CLSTN2: variants seen among roughly 807,000 people sequenced by gnomAD.
The protein encoded by CLSTN2 is calsyntenin-2.
A neutral mutation model predicts 101.2 loss-of-function variants in CLSTN2; 48 were observed. The ratio of observed to expected loss-of-function variants is 0.47; its 90% CI spans 0.38 to 0.60. CLSTN2 has a LOEUF of 0.60. CLSTN2 is among the 20% of genes least tolerant of loss of function. The pLI is 0.00. For missense variants in CLSTN2, 1,160 were observed against 1,238.2 expected, an observed-to-expected ratio of 0.94 and a Z score of 0.95; for synonymous variants, 481 against 463.6, an observed-to-expected ratio of 1.04 and a Z score of -0.48.
In CLSTN2 at chr3:140,187,893, C is replaced by T. The variant is rs138213220; in HGVS notation, c.232+11820C>T. ...AGTGCTGAGATGGGCCATATAATTCCACCTGCTCCATATCAAAGTCTCACT... is the reference window on the plus strand; with the variant it reads ...AGTGCTGAGATGGGCCATATAATTCTACCTGCTCCATATCAAAGTCTCACT... On this transcript the variant is annotated intron_variant, in intron 2 of 16. Coordinates refer to ENST00000458420, the MANE Select transcript of CLSTN2 (RefSeq NM_022131.3). Among the ~76,000 whole-genome samples the T allele has an allele frequency of 2.5e-3, 375 of 152,232 alleles. 3 individuals are homozygous for T. The highest frequency in any genetic ancestry group is 8.6e-3 in the African/African-American group (358 of 41,526).
intron 8 of CLSTN2, among the ~76,000 whole-genome samples, chr3:140,493,433 G>A (rs1215605704): frequency 6.6e-6 from 1 of 152,202 alleles, no homozygotes; most frequent in African/African-American, 2.4e-5. Context: ...TCTCAGTCAT[G>A]CTGTTCTTAT....
chr3:140,562,436 TG>T, intron 13 of CLSTN2, 128 bp downstream of exon 13: 1 of 935,536 alleles, frequency 1.1e-6, no homozygotes, highest in Non-Finnish European at 1.6e-6. Flanking sequence ...TGGAGATCCT[TG>T]GCCTCAAGCA....
chr3:140,206,620 C>T (rs1353415856), intron 2 of CLSTN2, among the ~76,000 whole-genome samples: 2 of 152,180 alleles, frequency 1.3e-5, no homozygotes, highest in African/African-American at 4.8e-5. Flanking sequence ...TTTAGGGCTT[C>T]CTCTTTTAAA....
chr3:140,198,058 G>A (rs2010668250), intron 2 of CLSTN2, among the ~76,000 whole-genome samples: 1 of 152,150 alleles, frequency 6.6e-6, no homozygotes, highest in Non-Finnish European at 1.5e-5. Flanking sequence ...TCAAGCAAAA[G>A]CAATGGAAAG....
intron 2 of CLSTN2, among the ~76,000 whole-genome samples, chr3:140,223,615 G>C (rs767083903): frequency 6.6e-6 from 1 of 152,156 alleles, no homozygotes; most frequent in Admixed American, 6.5e-5. Flanking sequence ...CTGCAATGCC[G>C]GGTAGATGTC....
At chr3:140,360,009 C>T (rs2107948989) in intron 2 of CLSTN2, among the ~76,000 whole-genome samples, 1 of 149,948 alleles carries the variant, frequency 6.7e-6, no homozygotes, top group East Asian at 2.0e-4. Context: ...CACACACACA[C>T]ACACACACAC....
chr3:139,986,707 G>A (rs925192589), intron 1 of CLSTN2, among the ~76,000 whole-genome samples: 1 of 152,004 alleles, frequency 6.6e-6, no homozygotes, highest in Non-Finnish European at 1.5e-5. Context: ...TTGTTTGATC[G>A]TGCTCAGCAA....
At chr3:140,010,683 A>G (rs1463523635) in intron 1 of CLSTN2, among the ~76,000 whole-genome samples, 1 of 152,142 alleles carries the variant, frequency 6.6e-6, no homozygotes, top group Non-Finnish European at 1.5e-5. Flanking sequence ...AGAGAGGAAG[A>G]CTAAATTGAT....
At chr3:140,414,758 C>G (rs1440777765) in intron 4 of CLSTN2, among the ~76,000 whole-genome samples, 1 of 151,930 alleles carries the variant, frequency 6.6e-6, no homozygotes, top group Non-Finnish European at 1.5e-5. Flanking sequence ...CTACCCAAAG[C>G]AAGATAGAGA....
chr3:140,138,020 G>A (rs1346267498), intron 1 of CLSTN2, among the ~76,000 whole-genome samples: 3 of 152,212 alleles, frequency 2.0e-5, no homozygotes, highest in South Asian at 4.2e-4. Flanking sequence ...ACATATTCAC[G>A]TGCAGAACCA....
intron 5 of CLSTN2, among the ~76,000 whole-genome samples, chr3:140,442,581 A>G (rs1216402847): frequency 6.6e-6 from 1 of 152,166 alleles, no homozygotes; most frequent in Non-Finnish European, 1.5e-5. Flanking sequence ...CTAAACTTCA[A>G]TGAATTGAAG....
chr3:140,049,129 C>T (rs116749229), intron 1 of CLSTN2, among the ~76,000 whole-genome samples: 2,415 of 152,290 alleles, frequency 0.016, 61 homozygotes, highest in African/African-American at 0.053. Flanking sequence ...ATCTAAGGCA[C>T]AGACGGCATC....
At chr3:140,549,210 G>A (rs1184800724) in intron 10 of CLSTN2, among the ~76,000 whole-genome samples, 86 of 127,464 alleles carry the variant, frequency 6.7e-4, no homozygotes, top group African/African-American at 2.4e-3. Flanking sequence ...ACAGTTCCAG[G>A]GTACTAGGCC....
intron 8 of CLSTN2, among the ~76,000 whole-genome samples, chr3:140,514,036 G>A (rs1192995674): frequency 6.6e-6 from 1 of 151,804 alleles, no homozygotes. Context: ...TTTTTCAAAA[G>A]GCAGCTCCTG....
chr3:140,417,379 G>C (rs935132020), intron 4 of CLSTN2, among the ~76,000 whole-genome samples: 4 of 151,832 alleles, frequency 2.6e-5, no homozygotes, highest in African/African-American at 9.7e-5. Context: ...CATTTTTCCA[G>C]AATCAATTTT....
intron 1 of CLSTN2, among the ~76,000 whole-genome samples, chr3:139,999,802 T>C (rs2006778828): frequency 6.6e-6 from 1 of 152,050 alleles, no homozygotes; most frequent in Non-Finnish European, 1.5e-5. Flanking sequence ...GTGAATTATA[T>C]GTATGGTCTA....
intron 8 of CLSTN2, among the ~76,000 whole-genome samples, chr3:140,496,413 A>G (rs546221189): frequency 1.3e-5 from 2 of 152,262 alleles, no homozygotes; most frequent in African/African-American, 2.4e-5. Context: ...TCTGCAAGCA[A>G]AGATAACTTG....
chr3:140,386,818 AT>A (rs1289815852), intron 2 of CLSTN2, among the ~76,000 whole-genome samples: 1 of 152,146 alleles, frequency 6.6e-6, no homozygotes, highest in African/African-American at 2.4e-5. Flanking sequence ...GGCAGCTATA[AT>A]TTTTACAGAC....
intron 1 of CLSTN2, among the ~76,000 whole-genome samples, chr3:140,147,379 G>T (rs545766965): frequency 6.6e-6 from 1 of 152,318 alleles, no homozygotes; most frequent in African/African-American, 2.4e-5. Context: ...CAGCTTCTCT[G>T]TTAAATCCTT....
Sources: allele counts gnomAD v4.1 joint callset (sites outside exome capture counted in the v4.1 genomes callset), GRCh38; gene constraint gnomAD v4.1.1; transcripts MANE v1.5; gene names NCBI Gene and HGNC (gene_info 2026-07-23, HGNC 2026-07-21).